The following PKIG variants were observed in gnomAD, a reference collection of about 807,000 sequenced individuals.
PKIG encodes the protein protein kinase (cAMP-dependent, catalytic) inhibitor gamma.
In PKIG, 1 loss-of-function variant was observed where a neutral mutation model predicts 6.8. That is an observed-to-expected ratio of 0.15 (90% CI 0.05 to 0.69). The LOEUF (loss-of-function observed/expected upper bound fraction) is 0.69, where lower values mean the gene tolerates loss of function less well. PKIG is among the 30% of genes least tolerant of loss of function. The pLI is 0.82. For missense variants in PKIG, 77 were observed against 104.0 expected (o/e 0.74, Z 1.13); for synonymous variants, 39 against 43.0 (o/e 0.91, Z 0.36).
intron 1 of PKIG, among the ~76,000 whole-genome samples, chr20:44,577,235 G>A (rs1005868039): frequency 2.0e-5 from 3 of 151,784 alleles, no homozygotes; most frequent in Admixed American, 6.6e-5. Context: ...TCAGCCTCCC[G>A]AGTAGCTGGG....
At position 44,604,490 on chromosome 20, in the gene PKIG, A is replaced by G. The variant is rs555476403; in HGVS notation, c.-23-10044A>G. ...AATTAGAGAAACATTAGAAGAGAGT[A>G]AAGGATGGAATTAAGGAGATATACA... On this transcript the variant is annotated intron_variant, in intron 2 of 3. Coordinates refer to ENST00000372886, the MANE Select transcript of PKIG (RefSeq NM_001281445.2). 2.0e-5 allele frequency among the ~76,000 whole-genome samples: 3 copies of G among 152,356 alleles called. 1 individual carries two copies. The highest frequency in any genetic ancestry group is 7.2e-5 in the African/African-American group (3 of 41,592).
chr20:44,571,594 C>G (rs1372664489), intron 1 of PKIG, among the ~76,000 whole-genome samples: 2 of 152,208 alleles, frequency 1.3e-5, no homozygotes, highest in East Asian at 1.9e-4. Flanking sequence ...TGTTAACTAA[C>G]AAGCACTTTT....
At chr20:44,584,760 C>A (rs1424112982) in intron 1 of PKIG, among the ~76,000 whole-genome samples, 18 of 150,196 alleles carry the variant, frequency 1.2e-4, no homozygotes, top group Admixed American at 8.6e-4. Flanking sequence ...CACTCTGTCT[C>A]CCAGGCTGGA....
chr20:44,610,462 T>TTC (rs146920514), intron 2 of PKIG, among the ~76,000 whole-genome samples: 6,033 of 122,832 alleles, frequency 0.049, 276 homozygotes, highest in African/African-American at 0.13. Context: ...GTCTCTCTCT[T>TTC]TCTCTCTCTC....
intron 1 of PKIG, among the ~76,000 whole-genome samples, chr20:44,547,605 A>G (rs1466947379): frequency 6.6e-6 from 1 of 152,198 alleles, no homozygotes; most frequent in Non-Finnish European, 1.5e-5. Context: ...TCCCACCACC[A>G]TTACTATCAC....
intron 1 of PKIG, among the ~76,000 whole-genome samples, chr20:44,552,426 C>G (rs939424614): frequency 2.6e-5 from 4 of 152,202 alleles, no homozygotes. Flanking sequence ...AGCTCTCCTA[C>G]ATAGTCTCAT....
intron 1 of PKIG, among the ~76,000 whole-genome samples, chr20:44,542,359 G>A (rs11696619): frequency 0.06 from 9,126 of 151,780 alleles, 324 homozygotes; most frequent in African/African-American, 0.092. Flanking sequence ...TCCCAGTCCT[G>A]ATTTTGCAAA....
chr20:44,609,961 CCT>C (rs1043824752), intron 2 of PKIG, among the ~76,000 whole-genome samples: 33 of 152,294 alleles, frequency 2.2e-4, no homozygotes, highest in African/African-American at 6.7e-4. Context: ...TCATTTTTAT[CCT>C]CTGTTATTAC....
intron 1 of PKIG, among the ~76,000 whole-genome samples, chr20:44,584,373 T>C (rs2064972054): frequency 6.6e-6 from 1 of 151,874 alleles, no homozygotes; most frequent in South Asian, 2.1e-4. Flanking sequence ...TAGTTCCTCA[T>C]TTGGCAAGAA....
chr20:44,544,715 C>G (rs6073473), intron 1 of PKIG, among the ~76,000 whole-genome samples: 1 of 152,152 alleles, frequency 6.6e-6, no homozygotes, highest in South Asian at 2.1e-4. Flanking sequence ...AATGCAGTTT[C>G]TTAGCTGTAC....
chr20:44,551,532 T>G (rs2064668555), intron 1 of PKIG, among the ~76,000 whole-genome samples: 1 of 152,202 alleles, frequency 6.6e-6, no homozygotes, highest in African/African-American at 2.4e-5. Flanking sequence ...ACAATTTTTG[T>G]TTCTATAAGA....
chr20:44,567,981 C>CA (rs975349313), intron 1 of PKIG, among the ~76,000 whole-genome samples: 11 of 151,726 alleles, frequency 7.2e-5, no homozygotes, highest in Non-Finnish European at 1.2e-4. Flanking sequence ...CCCCGTCTCA[C>CA]AAAAAAAATA....
At chr20:44,573,396 T>A (rs1244959925) in intron 1 of PKIG, among the ~76,000 whole-genome samples, 1 of 152,230 alleles carries the variant, frequency 6.6e-6, no homozygotes, top group African/African-American at 2.4e-5. Flanking sequence ...TGAGAGGACA[T>A]AAGGAATGGT....
intron 2 of PKIG, among the ~76,000 whole-genome samples, chr20:44,613,895 T>C (rs2065240903): frequency 6.6e-6 from 1 of 152,216 alleles, no homozygotes; most frequent in Non-Finnish European, 1.5e-5. Context: ...TTGGTGTCAT[T>C]GTCCCTCTTC....
At chr20:44,561,793 G>T (rs545840978) in intron 1 of PKIG, among the ~76,000 whole-genome samples, 3 of 152,136 alleles carry the variant, frequency 2.0e-5, no homozygotes, top group Non-Finnish European at 4.4e-5. Flanking sequence ...ATTACAAAAT[G>T]AGTGGAGCAA....
intron 1 of PKIG, among the ~76,000 whole-genome samples, chr20:44,533,650 A>G (rs529459716): frequency 1.2e-4 from 18 of 152,268 alleles, no homozygotes; most frequent in Admixed American, 6.5e-4. Flanking sequence ...CTTAAAGATC[A>G]ATATTGAAAG....
chr20:44,566,900 T>C (rs965067454), intron 1 of PKIG, among the ~76,000 whole-genome samples: 13 of 152,184 alleles, frequency 8.5e-5, no homozygotes, highest in Admixed American at 4.6e-4. Flanking sequence ...ATTGATTTCA[T>C]GTTCCACAAA....
At chr20:44,562,740 A>G (rs1440801951) in intron 1 of PKIG, among the ~76,000 whole-genome samples, 1 of 152,206 alleles carries the variant, frequency 6.6e-6, no homozygotes, top group Non-Finnish European at 1.5e-5. Context: ...GAATGGATAA[A>G]TTTATTAGTA....
chr20:44,586,104 C>T (rs1039706428), intron 1 of PKIG, among the ~76,000 whole-genome samples: 25 of 152,218 alleles, frequency 1.6e-4, no homozygotes, highest in African/African-American at 4.8e-4. Context: ...CTGCTTTCAC[C>T]GCCTCCTAGC....
Sources: allele counts gnomAD v4.1 joint callset (sites outside exome capture counted in the v4.1 genomes callset), GRCh38; gene constraint gnomAD v4.1.1; transcripts MANE v1.5; gene names NCBI Gene and HGNC (gene_info 2026-07-23, HGNC 2026-07-21).